Variants in ABHD13 observed in about 807,000 individuals in gnomAD.
The protein encoded by ABHD13 is protein ABHD13.
ABHD13 carries 7 observed loss-of-function variants against 25.2 expected under a neutral mutation model. The observed-to-expected ratio is 0.28, with a 90% CI of 0.16 to 0.52. ABHD13 has a LOEUF of 0.52. ABHD13 is among the 20% of genes least tolerant of loss of function. The pLI, the probability that ABHD13 is intolerant of heterozygous loss-of-function variation, is 0.96. For synonymous variants in ABHD13, 133 were observed against 136.1 expected, an observed-to-expected ratio of 0.98 and a Z score of 0.16; for missense variants, 302 against 402.7, an observed-to-expected ratio of 0.75 and a Z score of 2.14.
Position 108,232,483 on chromosome 13 carries a change from C to G in ABHD13, c.*2251C>G, listed in dbSNP as rs1879827806. On this transcript the variant is annotated 3_prime_UTR_variant, in exon 2 of 2. Transcript: ENST00000375898. ...ACTTAGTATCAGGGGTCCATGAAGC[C>G]CATGGCATCATTTTTGAAAATATTT... 6.0e-6 allele frequency: 1 copy of G among 166,828 alleles called. No homozygotes were observed. The highest frequency in any genetic ancestry group is 1.5e-5 in the Non-Finnish European group (1 of 67,992). The allele number at this position is 166,828 out of a possible 1,614,324, so 10.3% of individuals were successfully genotyped here.
At position 108,229,810 on chromosome 13, in the gene ABHD13, G is replaced by C; in HGVS notation, c.592G>C (p.Val198Leu). 1 of 1,613,456 alleles carries C rather than the reference G, an allele frequency of 6.2e-7. No individual in the cohort carries two copies. Among genetic ancestry groups the C allele is most frequent in the Non-Finnish European group, 8.5e-7 (1 of 1,179,508 alleles). The change falls in exon 2 of 2, where the codon GTG becomes CTG. Residue 198 changes from valine (V) to leucine (L), a missense_variant. Val to Leu is a conservative substitution (Grantham distance 32). Transcript: ENST00000375898. This position sits in a 1 kb window ranked among gnomAD's most constrained non-coding sequence, Gnocchi z 4.7. Reference sequence around the variant, plus strand: ...TTTTGGCCGTTCCTTGGGTGGAGCAGTGGCTATTCATTTGGCTTCTGAAAA... The same window carrying C: ...TTTTGGCCGTTCCTTGGGTGGAGCACTGGCTATTCATTTGGCTTCTGAAAA... ...FLFGRSLGGA[V>L]AIHLASENSH...
In ABHD13 at chr13:108,234,107, T is replaced by C. The variant is rs1355256740; in HGVS notation, c.*3875T>C. 2.4e-5 allele frequency: 4 copies of C among 166,970 alleles called. No individual in the cohort carries two copies. Among genetic ancestry groups the C allele is most frequent in the African/African-American group, 9.6e-5 (4 of 41,464 alleles). 10.3% of individuals were successfully genotyped at this position (166,970 alleles called of 1,614,324 possible). On this transcript the variant is annotated 3_prime_UTR_variant, in exon 2 of 2. Transcript: ENST00000375898. ...GTGATAAAATTTTATAACTCAAATT[T>C]GAATGTCATAGTACATTGTGTGCTA...
At chr13:108,228,052 G>A (rs1879711508) in intron 1 of ABHD13, among the ~76,000 whole-genome samples, 1 of 151,896 alleles carries the variant, frequency 6.6e-6, no homozygotes, top group South Asian at 2.1e-4. Context: ...TGGGAAAGAA[G>A]GAAATGTAGT....
Position 108,232,342 on chromosome 13 carries a change from A to C in ABHD13, c.*2110A>C, listed in dbSNP as rs1879824257. 1 of 166,846 alleles carries C rather than the reference A, an allele frequency of 6.0e-6. No homozygotes were observed. Among genetic ancestry groups the C allele is most frequent in the Non-Finnish European group, 1.5e-5 (1 of 68,000 alleles). The allele number at this position is 166,846 out of a possible 1,614,324, so 10.3% of individuals were successfully genotyped here. On this transcript the variant is annotated 3_prime_UTR_variant, in exon 2 of 2. Transcript: ENST00000375898. ...TGGCGTTCCCTACCTTCATTCTCTT[A>C]GGGTTAAGGAGCCTTTCTTTCTGCA...
In ABHD13 at chr13:108,230,172, C is replaced by G. The variant is rs201449571; in HGVS notation, c.954C>G (p.Val318=). 3.7e-6 allele frequency: 6 copies of G among 1,611,032 alleles called. No individual in the cohort carries two copies. The Admixed American group carries it at 6.7e-5, about 18-fold the overall frequency. The change falls in exon 2 of 2, where the codon GTC becomes GTG. Residue 318 remains valine, a synonymous_variant. Transcript: ENST00000375898. ...CACTTGAACAGTTCATCAAAGAAGT[C>G]GTAAAGAGCCATTCTCCTGAAGAAA... The part of the protein sequence containing the change: ...FTALEQFIKE[V]VKSHSPEEMA...
rs1215653549 is a variant in ABHD13, at chr13:108,230,192, A to C, written c.974A>C (p.Glu325Ala). 1.2e-6 allele frequency: 2 copies of C among 1,601,668 alleles called. No homozygotes were observed. The highest frequency in any genetic ancestry group is 3.5e-5 in the Admixed American group (2 of 57,446). ...IKEVVKSHSP[E>A]EMAKTSSNVT... Reference sequence around the variant, plus strand: ...GAAGTCGTAAAGAGCCATTCTCCTGAAGAAATGGCAAAAACTTCATCTAAT... The same window carrying C: ...GAAGTCGTAAAGAGCCATTCTCCTGCAGAAATGGCAAAAACTTCATCTAAT... Residue 325 changes from glutamate (E) to alanine (A), a missense_variant, in exon 2 of 2, where the codon GAA (glutamate) becomes GCA (alanine). Transcript: ENST00000375898.
chr13:108,231,832 A>G lies in ABHD13; in HGVS notation c.*1600A>G, dbSNP rs1334081316. ...ATTCACTTTATGCCGGTATTTAGAA[A>G]AAATAAATTATAGCAAGTATGATTT... On this transcript the variant is annotated 3_prime_UTR_variant, in exon 2 of 2. Transcript: ENST00000375898. The G allele has an allele frequency of 6.0e-6, 1 of 165,948 alleles. No homozygotes were observed. Among genetic ancestry groups the G allele is most frequent in the Non-Finnish European group, 1.5e-5 (1 of 67,690 alleles). 10.3% of individuals were successfully genotyped at this position (165,948 alleles called of 1,614,324 possible).
In ABHD13 at chr13:108,232,787, T is replaced by G. The variant is rs902615902; in HGVS notation, c.*2555T>G. On this transcript the variant is annotated 3_prime_UTR_variant, in exon 2 of 2. Coordinates refer to ENST00000375898, the MANE Select transcript of ABHD13 (RefSeq NM_032859.3). Reference sequence around the variant, plus strand: ...ACATCCATTATTTTAAAGGGAATGATTGGGGGGAAAAACTGGTGAAAAAGA... The same window carrying G: ...ACATCCATTATTTTAAAGGGAATGAGTGGGGGGAAAAACTGGTGAAAAAGA... 6.0e-6 allele frequency: 1 copy of G among 166,526 alleles called. No homozygotes were observed. Among genetic ancestry groups the G allele is most frequent in the African/African-American group, 2.4e-5 (1 of 41,266 alleles). The allele number at this position is 166,526 out of a possible 1,614,324, so 10.3% of individuals were successfully genotyped here.
chr13:108,224,244 G>A (rs898697888), intron 1 of ABHD13, among the ~76,000 whole-genome samples: 1 of 152,178 alleles, frequency 6.6e-6, no homozygotes, highest in Non-Finnish European at 1.5e-5. Flanking sequence ...TGTCTCCCGA[G>A]TACCTCAAGA....
Position 108,233,433 on chromosome 13 carries a change from GT to G in ABHD13, c.*3202del, listed in dbSNP as rs1416183647. 1.2e-5 allele frequency: 2 copies of G among 166,864 alleles called. No homozygotes were observed. The highest frequency in any genetic ancestry group is 4.8e-5 in the African/African-American group (2 of 41,420). The allele number at this position is 166,864 out of a possible 1,614,324, so 10.3% of individuals were successfully genotyped here. A position where few individuals can be genotyped will look rare whatever the true frequency, so the allele number is the denominator to read the frequency against. On this transcript the variant is annotated 3_prime_UTR_variant, in exon 2 of 2. Coordinates refer to ENST00000375898, the MANE Select transcript of ABHD13 (RefSeq NM_032859.3). ...GGTAAGGTAAACTTGTAAAAAGGAT[GT>G]CACAGAAGTCACTTTTTAATTAAGT... is the stretch of plus-strand genomic sequence containing the variant.
chr13:108,231,930 A>G lies in ABHD13; in HGVS notation c.*1698A>G, dbSNP rs956339797. 1 of 166,878 alleles carries G rather than the reference A, an allele frequency of 6.0e-6. No homozygotes were observed. Among genetic ancestry groups the G allele is most frequent in the Non-Finnish European group, 1.5e-5 (1 of 68,000 alleles). The allele number at this position is 166,878 out of a possible 1,614,324, so 10.3% of individuals were successfully genotyped here. ...TTAAAACAAGTTGGTAATGCATATC[A>G]TGGAAGGCATATTTTGTATGTATAA... is the stretch of plus-strand genomic sequence containing the variant. On this transcript the variant is annotated 3_prime_UTR_variant, in exon 2 of 2. Transcript: ENST00000375898.
chr13:108,224,985 CACTA>C (rs766648539), intron 1 of ABHD13, among the ~76,000 whole-genome samples: 14 of 152,128 alleles, frequency 9.2e-5, no homozygotes, highest in Non-Finnish European at 1.8e-4. Flanking sequence ...GAGACACACT[CACTA>C]ATATCAATGT....
intron 1 of ABHD13, among the ~76,000 whole-genome samples, chr13:108,220,864 T>G (rs1276521575): frequency 1.3e-5 from 2 of 152,242 alleles, no homozygotes; most frequent in Non-Finnish European, 2.9e-5. Context: ...GGTAAAGTTT[T>G]AGAACATTGC....
intron 1 of ABHD13, among the ~76,000 whole-genome samples, chr13:108,226,894 GT>G (rs2139012262): frequency 6.6e-6 from 1 of 152,162 alleles, no homozygotes; most frequent in African/African-American, 2.4e-5. Context: ...GTGGGGTTAG[GT>G]AAAAATAAGG....
chr13:108,230,300 A>G lies in ABHD13; in HGVS notation c.*68A>G. On this transcript the variant is annotated 3_prime_UTR_variant, in exon 2 of 2. Coordinates refer to ENST00000375898, the MANE Select transcript of ABHD13 (RefSeq NM_032859.3). Reference sequence around the variant, plus strand: ...GAATGATAAAGAATGTTCCTTTTAGAAGTGTGTTATGTCTGTACCTGTCTG... The same window carrying G: ...GAATGATAAAGAATGTTCCTTTTAGGAGTGTGTTATGTCTGTACCTGTCTG... 1 of 1,345,816 alleles carries G rather than the reference A, an allele frequency of 7.4e-7. No individual in the cohort carries two copies. The highest frequency in any genetic ancestry group is 1.0e-6 in the Non-Finnish European group (1 of 997,962). The allele number at this position is 1,345,816 out of a possible 1,614,324, so 83.4% of individuals were successfully genotyped here. A position where few individuals can be genotyped will look rare whatever the true frequency, so the allele number is the denominator to read the frequency against.
chr13:108,233,786 A>G lies in ABHD13; in HGVS notation c.*3554A>G, dbSNP rs538943901. The G allele has an allele frequency of 2.4e-5, 4 of 166,932 alleles. No individual in the cohort carries two copies. In the South Asian group the frequency reaches 8.3e-4, roughly 35 times the overall value. The allele number at this position is 166,932 out of a possible 1,614,324, so 10.3% of individuals were successfully genotyped here. ...GCAAGATAAATGCAGTCATCTTAAT[A>G]CTAGTCTATACATTTTTGCCAAATG... On this transcript the variant is annotated 3_prime_UTR_variant, in exon 2 of 2. Transcript: ENST00000375898.
chr13:108,218,962 A>G (rs1879468764), intron 1 of ABHD13, among the ~76,000 whole-genome samples: 1 of 152,170 alleles, frequency 6.6e-6, no homozygotes, highest in Non-Finnish European at 1.5e-5. Flanking sequence ...GCGCATTGCC[A>G]GAGGCTCGCC....
rs3837557 is a variant in ABHD13, at chr13:108,232,109, CA to C, written c.*1886del. On this transcript the variant is annotated 3_prime_UTR_variant, in exon 2 of 2. Coordinates refer to ENST00000375898, the MANE Select transcript of ABHD13 (RefSeq NM_032859.3). ...TATTTGTATCATTCTTTAAAGTTTACAAAAAAAAACCTTATGTTTTTATGTA... is the reference window on the plus strand; with the variant it reads ...TATTTGTATCATTCTTTAAAGTTTACAAAAAAAACCTTATGTTTTTATGTA... 22 of 162,416 alleles carry C rather than the reference CA, an allele frequency of 1.4e-4. No homozygotes were observed. Among genetic ancestry groups the C allele is most frequent in the South Asian group, 4.2e-4 (2 of 4,744 alleles). 10.1% of individuals were successfully genotyped at this position (162,416 alleles called of 1,614,324 possible).
In ABHD13 at chr13:108,230,517, A is replaced by G. The variant is rs1400007592; in HGVS notation, c.*285A>G. 5 of 245,464 alleles carry G rather than the reference A, an allele frequency of 2.0e-5. No individual in the cohort carries two copies. Among genetic ancestry groups the G allele is most frequent in the South Asian group, 8.8e-5 (1 of 11,328 alleles). The allele number at this position is 245,464 out of a possible 1,614,324, so 15.2% of individuals were successfully genotyped here. On this transcript the variant is annotated 3_prime_UTR_variant, in exon 2 of 2. Transcript: ENST00000375898. The stretch of plus-strand genomic sequence containing the variant: ...TATTGTTCAAAAGTTTCTTGTTGCT[A>G]AAGTGGTGTAATCTGTTACACAGAT...
Sources: gnomAD v4.1 joint callset for allele counts (sites outside exome capture counted in the v4.1 genomes callset) on GRCh38, gnomAD v4.1.1 for gene constraint, Gnocchi (gnomAD v3.1) non-coding constraint, MANE v1.5 for transcripts, NCBI Gene and HGNC (gene_info 2026-07-23, HGNC 2026-07-21) for gene names.